Variants in PACRG observed in about 807,000 individuals in gnomAD.
The protein encoded by PACRG is parkin coregulated.
Under a neutral mutation model 29.7 loss-of-function variants are expected in PACRG, and 29 were observed. The ratio of observed to expected loss-of-function variants is 0.98; its 90% CI spans 0.73 to 1.33. PACRG has a LOEUF of 1.33. Among genes scored for constraint, PACRG ranks in the 40% most tolerant of loss-of-function variants. The pLI is 0.00. For synonymous variants in PACRG, 116 were observed against 118.7 expected (o/e 0.98, Z 0.15); for missense variants, 279 against 316.2 (o/e 0.88, Z 0.89).
chr6:162,933,116 G>C (rs980039754), intron 2 of PACRG, among the ~76,000 whole-genome samples: 2 of 151,874 alleles, frequency 1.3e-5, no homozygotes, highest in African/African-American at 4.8e-5. Context: ...TTTCTTCATA[G>C]ACCCATTTGT....
At chr6:163,106,385 A>G (rs1392332738) in intron 4 of PACRG, among the ~76,000 whole-genome samples, 2 of 152,188 alleles carry the variant, frequency 1.3e-5, no homozygotes, top group Non-Finnish European at 2.9e-5. Context: ...AACATTCCTA[A>G]ACTTCCAGTT....
At chr6:163,184,556 G>A (rs537189050) in intron 4 of PACRG, among the ~76,000 whole-genome samples, 15 of 152,164 alleles carry the variant, frequency 9.9e-5, no homozygotes, top group South Asian at 4.1e-4. Flanking sequence ...AACCCAAATC[G>A]AAAAAGGAAG....
intron 1 of PACRG, among the ~76,000 whole-genome samples, chr6:162,813,760 G>T (rs942391946): frequency 4.6e-5 from 7 of 152,178 alleles, no homozygotes; most frequent in Admixed American, 2.0e-4. Context: ...ATTCCATAAA[G>T]TATATCAGAC....
intron 2 of PACRG, among the ~76,000 whole-genome samples, chr6:162,818,455 G>A (rs1367183925): frequency 6.6e-6 from 1 of 152,208 alleles, no homozygotes; most frequent in South Asian, 2.1e-4. Flanking sequence ...AATGCTATAT[G>A]AATTGGTAAA....
chr6:162,741,361 A>C (rs920800025), intron 1 of PACRG, among the ~76,000 whole-genome samples: 3 of 152,120 alleles, frequency 2.0e-5, no homozygotes, highest in African/African-American at 7.2e-5. Flanking sequence ...TTAAACATTT[A>C]TTTCTCATGG....
At chr6:162,878,446 T>G (rs535826487) in intron 2 of PACRG, among the ~76,000 whole-genome samples, 1 of 152,306 alleles carries the variant, frequency 6.6e-6, no homozygotes, top group Non-Finnish European at 1.5e-5. Flanking sequence ...CTATTTTACT[T>G]TTTTAGAGTG....
chr6:163,005,793 G>C (rs1051456195), intron 2 of PACRG, among the ~76,000 whole-genome samples: 1 of 146,872 alleles, frequency 6.8e-6, no homozygotes, highest in Non-Finnish European at 1.5e-5. Context: ...AGTTATACAT[G>C]TTATATATAT....
At chr6:162,782,202 C>G (rs1035784419) in intron 1 of PACRG, among the ~76,000 whole-genome samples, 9 of 151,868 alleles carry the variant, frequency 5.9e-5, no homozygotes, top group African/African-American at 2.2e-4. Flanking sequence ...ATCAGTTTAT[C>G]AAGAAGATGT....
chr6:162,824,095 A>G (rs576839413), intron 2 of PACRG, among the ~76,000 whole-genome samples: 1 of 152,272 alleles, frequency 6.6e-6, no homozygotes, highest in African/African-American at 2.4e-5. Flanking sequence ...CTTGTGGGAC[A>G]CACTGCTTTC....
chr6:163,167,286 T>A (rs2128344713), intron 4 of PACRG, among the ~76,000 whole-genome samples: 1 of 152,334 alleles, frequency 6.6e-6, no homozygotes, highest in South Asian at 2.1e-4. Flanking sequence ...CGATAAGCCC[T>A]CTTTGTAGTT....
intron 4 of PACRG, among the ~76,000 whole-genome samples, chr6:163,108,526 G>A (rs1815524863): frequency 6.6e-6 from 1 of 150,626 alleles, no homozygotes; most frequent in Non-Finnish European, 1.5e-5. Flanking sequence ...CTGAGTAGCT[G>A]GGACCACAGG....
chr6:162,908,566 A>G (rs1019228407), intron 2 of PACRG, among the ~76,000 whole-genome samples: 1 of 152,242 alleles, frequency 6.6e-6, no homozygotes, highest in Non-Finnish European at 1.5e-5. Flanking sequence ...CAACCTCAGT[A>G]GAGACAGGCC....
chr6:163,199,847 C>T (rs550536645), intron 4 of PACRG, among the ~76,000 whole-genome samples: 7 of 152,160 alleles, frequency 4.6e-5, no homozygotes, highest in South Asian at 4.1e-4. Context: ...TATGTATCTA[C>T]GTGTCTATAT....
intron 2 of PACRG, among the ~76,000 whole-genome samples, chr6:163,048,838 C>T (rs73783999): frequency 0.031 from 4,693 of 152,108 alleles, 160 homozygotes; most frequent in African/African-American, 0.083. Context: ...TAACTTTCTG[C>T]AGAAAATGTG....
At chr6:163,155,154 C>T (rs1274257061) in intron 4 of PACRG, among the ~76,000 whole-genome samples, 3 of 152,208 alleles carry the variant, frequency 2.0e-5, no homozygotes, top group African/African-American at 7.2e-5. Flanking sequence ...CCTAACGTGA[C>T]TGGGTCCCCT....
Position 163,145,212 on chromosome 6 carries a change from T to C in PACRG, c.613+55804T>C, listed in dbSNP as rs559256513. Among the ~76,000 whole-genome samples the C allele has an allele frequency of 3.9e-5, 6 of 152,336 alleles. No homozygotes were observed. In the South Asian group the frequency reaches 1.2e-3, roughly 32 times the overall value. On this transcript the variant is annotated intron_variant, in intron 4 of 4. Transcript: ENST00000366888. The stretch of plus-strand genomic sequence containing the variant: ...CATCTTAGACAAATCATTTGATCAC[T>C]CCAAGCCTTGGTTTTCTCATTCATA...
intron 2 of PACRG, among the ~76,000 whole-genome samples, chr6:162,860,057 T>C (rs1351784342): frequency 1.8e-5 from 2 of 111,562 alleles, no homozygotes; most frequent in African/African-American, 7.3e-5. Context: ...AAAATGGGTT[T>C]AGCAGGGAGG....
At chr6:163,237,607 T>C (rs1782303990) in intron 4 of PACRG, among the ~76,000 whole-genome samples, 1 of 152,198 alleles carries the variant, frequency 6.6e-6, no homozygotes, top group Admixed American at 6.5e-5. Context: ...ATTGGAGTTG[T>C]CTCTTTGTCA....
At chr6:163,234,761 T>C (rs893266692) in intron 4 of PACRG, among the ~76,000 whole-genome samples, 2 of 152,044 alleles carry the variant, frequency 1.3e-5, no homozygotes, top group Admixed American at 6.6e-5. Context: ...CAAAGTAAAA[T>C]AAAGGCTGAA....
Sources: gnomAD v4.1 joint callset for allele counts (sites outside exome capture counted in the v4.1 genomes callset) on GRCh38, gnomAD v4.1.1 for gene constraint, MANE v1.5 for transcripts, NCBI Gene and HGNC (gene_info 2026-07-23, HGNC 2026-07-21) for gene names.